EEF1AKMT1: variants seen among roughly 807,000 people sequenced by gnomAD.
EEF1AKMT1 encodes EEF1A lysine methyltransferase 1, also known as N-6 adenine-specific DNA methyltransferase 2 (putative).
EEF1AKMT1 carries 18 observed loss-of-function variants against 21.0 expected under a neutral mutation model. The observed-to-expected ratio is 0.86, with a 90% CI of 0.59 to 1.27. EEF1AKMT1 has a LOEUF of 1.27. EEF1AKMT1 is among the 50% of genes most tolerant of loss of function. The probability of loss-of-function intolerance (pLI) is 0.00; values close to 1 mark genes in which losing one functional copy is unlikely to be tolerated. For synonymous variants in EEF1AKMT1, 109 were observed against 94.8 expected (o/e 1.15, Z -0.87); for missense variants, 246 against 258.6 (o/e 0.95, Z 0.33).
Position 20,732,056 on chromosome 13 carries a change from GAA to G in EEF1AKMT1, c.291_292del (p.Ser98AspfsTer5), listed in dbSNP as rs2058800703. On this transcript the variant is annotated frameshift_variant, in exon 4 of 5. Transcript: ENST00000382758. Reference sequence around the variant, plus strand: ...TTTGTCATATTCAAAGATGTATATCGAAAAGTTTTCTCTGCACAGCTCTCTGA... The same window carrying G: ...TTTGTCATATTCAAAGATGTATATCGAAGTTTTCTCTGCACAGCTCTCTGA... 1 of 1,614,102 alleles carries G rather than the reference GAA, an allele frequency of 6.2e-7. No individual in the cohort carries two copies. The highest frequency in any genetic ancestry group is 1.1e-5 in the South Asian group (1 of 91,068).
At chr13:20,752,293 T>C (rs1002266349) in intron 2 of EEF1AKMT1, among the ~76,000 whole-genome samples, 4 of 152,190 alleles carry the variant, frequency 2.6e-5, no homozygotes, top group Non-Finnish European at 5.9e-5. Flanking sequence ...TTATCATATA[T>C]AGCCTTTATT....
chr13:20,765,562 G>A (rs1265533816), intron 1 of EEF1AKMT1, among the ~76,000 whole-genome samples: 1 of 151,546 alleles, frequency 6.6e-6, no homozygotes, highest in African/African-American at 2.4e-5. Flanking sequence ...ACAAGCGCCG[G>A]CCACCACACC....
chr13:20,742,445 G>A (rs1172056997), intron 2 of EEF1AKMT1, among the ~76,000 whole-genome samples: 1 of 152,058 alleles, frequency 6.6e-6, no homozygotes, highest in Non-Finnish European at 1.5e-5. Flanking sequence ...CTATTTCAAA[G>A]AACACCAACA....
At chr13:20,730,275 C>G (rs1287856977) in intron 4 of EEF1AKMT1, among the ~76,000 whole-genome samples, 1 of 152,240 alleles carries the variant, frequency 6.6e-6, no homozygotes, top group Non-Finnish European at 1.5e-5. Context: ...GTGCAGGCAA[C>G]CACGGCATCT....
rs772144111 is a variant in EEF1AKMT1 at position 20,731,873 on chromosome 13, T to A, written c.476A>T (p.Tyr159Phe). 6.2e-7 allele frequency: 1 copy of A among 1,614,082 alleles called. No homozygotes were observed. The highest frequency in any genetic ancestry group is 1.1e-5 in the South Asian group (1 of 91,082). The change falls in exon 4 of 5, where the codon TAC (tyrosine) becomes TTC (phenylalanine). Residue 159 changes from tyrosine to phenylalanine, a missense_variant. Tyr to Phe is a conservative substitution (Grantham distance 22). Coordinates refer to ENST00000382758, the MANE Select transcript of EEF1AKMT1 (RefSeq NM_001318939.2). ...CLRKTSETVK[Y>F]LTRGKILLCT... is the part of the protein sequence containing the mutation. ...CAGCAGAATCTTGCCCCGCGTCAGG[T>A]ACTTGACGGTTTCCGATGTTTTTCT...
intron 2 of EEF1AKMT1, among the ~76,000 whole-genome samples, chr13:20,740,876 CTG>C (rs1278478184): frequency 1.3e-5 from 2 of 151,712 alleles, no homozygotes; most frequent in Non-Finnish European, 2.9e-5. Flanking sequence ...CTCAACAAAA[CTG>C]AGATCTGCTT....
In EEF1AKMT1 at chr13:20,731,980, T is replaced by C; in HGVS notation, c.369A>G (p.Pro123=). The part of the protein sequence containing the change: ...EEFIFYDYNN[P]LDLPERIAAH... Reference sequence around the variant, plus strand: ...CAGCAATTCTTTCGGGTAAGTCCAATGGATTATTGTAATCATAGAAAATAA... The same window carrying C: ...CAGCAATTCTTTCGGGTAAGTCCAACGGATTATTGTAATCATAGAAAATAA... Residue 123 remains proline, a synonymous_variant, in exon 4 of 5, where the codon CCA becomes CCG. Coordinates refer to ENST00000382758, the MANE Select transcript of EEF1AKMT1 (RefSeq NM_001318939.2). 3 of 1,614,256 alleles carry C rather than the reference T, an allele frequency of 1.9e-6. No individual in the cohort carries two copies. The highest frequency in any genetic ancestry group is 2.5e-6 in the Non-Finnish European group (3 of 1,180,048).
rs1425759011 is a variant in EEF1AKMT1 at position 20,729,070 on chromosome 13, C to T, written c.*10G>A. Reference sequence around the variant, plus strand: ...CAGGGTTCCTTCCTGTGTTATGTCACCGTCTGTAATCAGATCCCACAGTCC... The same window carrying T: ...CAGGGTTCCTTCCTGTGTTATGTCATCGTCTGTAATCAGATCCCACAGTCC... On this transcript the variant is annotated 3_prime_UTR_variant, in exon 5 of 5. Coordinates refer to ENST00000382758, the MANE Select transcript of EEF1AKMT1 (RefSeq NM_001318939.2). 1 of 1,614,044 alleles carries T rather than the reference C, an allele frequency of 6.2e-7. No individual in the cohort carries two copies. Among genetic ancestry groups the T allele is most frequent in the Non-Finnish European group, 8.5e-7 (1 of 1,179,974 alleles).
intron 2 of EEF1AKMT1, among the ~76,000 whole-genome samples, chr13:20,743,159 G>A (rs61955731): frequency 2.0e-3 from 306 of 151,968 alleles, no homozygotes; most frequent in South Asian, 7.5e-3. Context: ...CTCCACCTCC[G>A]AAATTGAAGC....
At chr13:20,773,361 G>A (rs924586558) in intron 1 of EEF1AKMT1, among the ~76,000 whole-genome samples, 1 of 152,276 alleles carries the variant, frequency 6.6e-6, no homozygotes, top group South Asian at 2.1e-4. Context: ...GCTACTGCCC[G>A]TTTCGCAGTA....
At chr13:20,765,801 G>C (rs1038284160) in intron 1 of EEF1AKMT1, among the ~76,000 whole-genome samples, 1 of 150,914 alleles carries the variant, frequency 6.6e-6, no homozygotes, top group African/African-American at 2.4e-5. Flanking sequence ...TATACCAAAA[G>C]ACAAAATAGG....
Position 20,729,511 on chromosome 13 carries a change from C to CTA in EEF1AKMT1, c.509-297_509-296dup, listed in dbSNP as rs1395485002. 6.0e-4 allele frequency among the ~76,000 whole-genome samples: 91 copies of CTA among 150,934 alleles called. 1 individual carries two copies. In the Middle Eastern group the frequency reaches 0.014, roughly 23 times the overall value. On this transcript the variant is annotated intron_variant, in intron 4 of 4. Coordinates refer to ENST00000382758, the MANE Select transcript of EEF1AKMT1 (RefSeq NM_001318939.2). ...ATACACACACACACACACACACGTACTATATATATATACACACATATGGAA... is the reference window on the plus strand; with the variant it reads ...ATACACACACACACACACACACGTACTATATATATATATACACACATATGGAA...
rs1340714461 is a variant in EEF1AKMT1 at position 20,728,810 on chromosome 13, A to G, written c.*270T>C. 5 of 455,746 alleles carry G rather than the reference A, an allele frequency of 1.1e-5. No individual in the cohort carries two copies. The highest frequency in any genetic ancestry group is 2.0e-5 in the Non-Finnish European group (5 of 248,944). 28.2% of individuals were successfully genotyped at this position (455,746 alleles called of 1,614,324 possible). On this transcript the variant is annotated 3_prime_UTR_variant, in exon 5 of 5. Transcript: ENST00000382758. ...GCCACACAACTGTTCTTCTGTTTTTACACATGTTAAATGAGGAGAGAAGAT... is the reference window on the plus strand; with the variant it reads ...GCCACACAACTGTTCTTCTGTTTTTGCACATGTTAAATGAGGAGAGAAGAT...
chr13:20,759,585 C>CA lies in EEF1AKMT1; in HGVS notation c.-19-1969dup, dbSNP rs560203807. On this transcript the variant is annotated intron_variant, in intron 1 of 4. Coordinates refer to ENST00000382758, the MANE Select transcript of EEF1AKMT1 (RefSeq NM_001318939.2). Reference sequence around the variant, plus strand: ...ACAGAGCAAGACTCCGTCTCAAAAACAAAAAACAAACAAAAAACGAAACAA... The same window carrying CA: ...ACAGAGCAAGACTCCGTCTCAAAAACAAAAAAACAAACAAAAAACGAAACAA... 1.0e-3 allele frequency among the ~76,000 whole-genome samples: 128 copies of CA among 126,386 alleles called. 3 individuals carry two copies. In the South Asian group the frequency reaches 0.03, roughly 30 times the overall value. The allele number at this position is 126,386 out of a possible 152,430, so 82.9% of individuals were successfully genotyped here. A position where few individuals can be genotyped will look rare whatever the true frequency, so the allele number is the denominator to read the frequency against.
At chr13:20,765,788 T>G (rs1793370240) in intron 1 of EEF1AKMT1, among the ~76,000 whole-genome samples, 1 of 152,006 alleles carries the variant, frequency 6.6e-6, no homozygotes. Flanking sequence ...TTTAGAATTC[T>G]TTTATACCAA....
At chr13:20,750,957 T>C (rs575770184) in intron 2 of EEF1AKMT1, among the ~76,000 whole-genome samples, 2 of 152,350 alleles carry the variant, frequency 1.3e-5, no homozygotes, top group African/African-American at 4.8e-5. Context: ...CTTCCTCATA[T>C]ACCAGTTGGC....
intron 1 of EEF1AKMT1, among the ~76,000 whole-genome samples, chr13:20,767,103 G>C (rs921917737): frequency 1.1e-4 from 17 of 151,892 alleles, no homozygotes; most frequent in African/African-American, 3.6e-4. Context: ...TCAGGAGATC[G>C]AGACCATCCT....
At chr13:20,740,246 C>G (rs2141418007) in intron 2 of EEF1AKMT1, among the ~76,000 whole-genome samples, 1 of 152,364 alleles carries the variant, frequency 6.6e-6, no homozygotes, top group Non-Finnish European at 1.5e-5. Context: ...CAAGCCCGCA[C>G]CCACCTGGAA....
intron 1 of EEF1AKMT1, among the ~76,000 whole-genome samples, chr13:20,760,705 T>C (rs542830702): frequency 6.6e-6 from 1 of 152,112 alleles, no homozygotes; most frequent in Non-Finnish European, 1.5e-5. Context: ...TGTTTTAAAA[T>C]TTAAAAATAT....
Sources: gnomAD v4.1 joint callset for allele counts (sites outside exome capture counted in the v4.1 genomes callset) on GRCh38, gnomAD v4.1.1 for gene constraint, MANE v1.5 for transcripts, NCBI Gene and HGNC (gene_info 2026-07-23, HGNC 2026-07-21) for gene names.